Variants in NOX4 observed in about 807,000 individuals in gnomAD.
NOX4 encodes NADPH oxidase 4.
A neutral mutation model predicts 87.6 loss-of-function variants in NOX4; 69 were observed. The observed-to-expected ratio is 0.79, with a 90% CI of 0.65 to 0.96. The LOEUF (loss-of-function observed/expected upper bound fraction) is 0.96, where lower values mean the gene tolerates loss of function less well. Among genes scored for constraint, NOX4 ranks in the 40% least tolerant of loss-of-function variants. NOX4 has a pLI of 0.00. For synonymous variants in NOX4, 275 were observed against 238.2 expected (o/e 1.15, Z -1.42); for missense variants, 680 against 681.5 (o/e 1.00, Z 0.02).
chr11:89,382,001 C>G (rs1940324376), intron 11 of NOX4, among the ~76,000 whole-genome samples: 1 of 152,138 alleles, frequency 6.6e-6, no homozygotes, highest in Non-Finnish European at 1.5e-5. Flanking sequence ...CAGTCACGGA[C>G]TCGGCAAGAC....
chr11:89,398,894 G>A (rs1941657624), intron 11 of NOX4, among the ~76,000 whole-genome samples: 1 of 151,830 alleles, frequency 6.6e-6, no homozygotes, highest in Non-Finnish European at 1.5e-5. Flanking sequence ...ATGGAAAGAT[G>A]TCCATCACAT....
intron 3 of NOX4, among the ~76,000 whole-genome samples, chr11:89,451,243 C>T (rs1013652637): frequency 6.6e-6 from 1 of 152,136 alleles, no homozygotes; most frequent in South Asian, 2.1e-4. Flanking sequence ...AAGCCTATTA[C>T]ACACTTCAAA....
At chr11:89,532,748 G>A in the NOX4 span, among the ~76,000 whole-genome samples, 2 of 152,106 alleles carry the variant, frequency 1.3e-5, no homozygotes, top group African/African-American at 4.8e-5. Flanking sequence ...ATCTCATCTT[G>A]AATAGTAATC....
chr11:89,528,585 C>T, the NOX4 span, among the ~76,000 whole-genome samples: 1 of 152,144 alleles, frequency 6.6e-6, no homozygotes, highest in African/African-American at 2.4e-5. Flanking sequence ...CTTATGAGAT[C>T]TGATGGTTTT....
chr11:89,392,109 C>T (rs1941174454), intron 11 of NOX4, among the ~76,000 whole-genome samples: 1 of 152,130 alleles, frequency 6.6e-6, no homozygotes, highest in East Asian at 1.9e-4. Flanking sequence ...TTTTTCTCCT[C>T]TCTGTCATTT....
At chr11:89,488,223 TTTC>T in intron 2 of NOX4, among the ~76,000 whole-genome samples, 1 of 152,184 alleles carries the variant, frequency 6.6e-6, no homozygotes, top group South Asian at 2.1e-4. Flanking sequence ...CTTGAATCTG[TTTC>T]TTATCCTTTA....
the NOX4 span, among the ~76,000 whole-genome samples, chr11:89,533,363 T>C: frequency 6.6e-6 from 1 of 152,158 alleles, no homozygotes; most frequent in Non-Finnish European, 1.5e-5. Context: ...AAACTAAAGA[T>C]ATAGTTGCTG....
At chr11:89,551,436 A>G in the NOX4 span, among the ~76,000 whole-genome samples, 1 of 152,220 alleles carries the variant, frequency 6.6e-6, no homozygotes, top group African/African-American at 2.4e-5. Flanking sequence ...ATCCATGAGC[A>G]TGAAATGTTT....
chr11:89,518,649 T>C, the NOX4 span, among the ~76,000 whole-genome samples: 56 of 152,052 alleles, frequency 3.7e-4, 1 homozygote, highest in African/African-American at 1.3e-3. Context: ...AGGAAAAATA[T>C]GTGAAAAATC....
At chr11:89,332,092 T>A (rs186537396) in intron 17 of NOX4, among the ~76,000 whole-genome samples, 197 of 151,782 alleles carry the variant, frequency 1.3e-3, no homozygotes, top group Non-Finnish European at 2.1e-3. Context: ...TAGAAACTAG[T>A]TCTATAAATG....
Position 89,342,193 on chromosome 11 carries a change from C to A in NOX4, c.1218G>T (p.Lys406Asn). ...TTCCAAAAGGACCATCAATATACAGCCTGTAGAGCAGTCAGAAAAAGGTGG... is the reference window on the plus strand; with the variant it reads ...TTCCAAAAGGACCATCAATATACAGACTGTAGAGCAGTCAGAAAAAGGTGG... The part of the protein sequence containing the change: ...LPFIQSRNYP[K>N]LYIDGPFGSP... Residue 406 changes from lysine to asparagine, a missense_variant and splice_region_variant, in exon 14 of 18, where the codon AAG (lysine) becomes AAT (asparagine). Coordinates refer to ENST00000263317, the MANE Select transcript of NOX4 (RefSeq NM_016931.5). 8 of 1,600,748 alleles carry A rather than the reference C, an allele frequency of 5.0e-6. No homozygotes were observed. The highest frequency in any genetic ancestry group is 6.8e-6 in the Non-Finnish European group (8 of 1,173,710).
the NOX4 span, among the ~76,000 whole-genome samples, chr11:89,543,209 A>T: frequency 7.2e-3 from 1,089 of 152,296 alleles, 15 homozygotes; most frequent in African/African-American, 0.024. Flanking sequence ...ATATAAAAAA[A>T]TTTTTAAAGA....
the NOX4 span, among the ~76,000 whole-genome samples, chr11:89,570,892 A>G: frequency 1.3e-5 from 2 of 152,238 alleles, no homozygotes; most frequent in African/African-American, 4.8e-5. Context: ...TCAACATGCC[A>G]CACCCTATGG....
At chr11:89,460,744 G>C (rs1349146516) in intron 2 of NOX4, among the ~76,000 whole-genome samples, 1 of 152,202 alleles carries the variant, frequency 6.6e-6, no homozygotes, top group Non-Finnish European at 1.5e-5. Flanking sequence ...GTGGAAGTCA[G>C]TGTGGTGATT....
intron 17 of NOX4, among the ~76,000 whole-genome samples, chr11:89,334,219 A>C (rs1945603754): frequency 6.6e-6 from 1 of 151,710 alleles, no homozygotes; most frequent in African/African-American, 2.4e-5. Context: ...AGCAAGAGAC[A>C]GATGAGTATG....
chr11:89,341,154 G>A (rs1475201407), intron 14 of NOX4, among the ~76,000 whole-genome samples: 17 of 123,826 alleles, frequency 1.4e-4, no homozygotes, highest in African/African-American at 4.6e-4. Flanking sequence ...GCAGAGTCTC[G>A]CTCTGTCACC....
chr11:89,487,215 A>G (rs1449249649), intron 2 of NOX4, among the ~76,000 whole-genome samples: 1 of 152,210 alleles, frequency 6.6e-6, no homozygotes, highest in Non-Finnish European at 1.5e-5. Context: ...CGAGTCATAC[A>G]GCTTCCTCAG....
chr11:89,587,737 A>G, the NOX4 span, among the ~76,000 whole-genome samples: 1 of 152,154 alleles, frequency 6.6e-6, no homozygotes, highest in Non-Finnish European at 1.5e-5. Flanking sequence ...CAAATGTTAT[A>G]TATTTATAAA....
the NOX4 span, among the ~76,000 whole-genome samples, chr11:89,533,353 A>C: frequency 5.9e-5 from 9 of 152,170 alleles, no homozygotes; most frequent in African/African-American, 2.2e-4. Context: ...CCTCTAACAC[A>C]AACTAAAGAT....
Sources: gnomAD v4.1 joint callset for allele counts (sites outside exome capture counted in the v4.1 genomes callset) on GRCh38, gnomAD v4.1.1 for gene constraint, MANE v1.5 for transcripts, NCBI Gene and HGNC (gene_info 2026-07-23, HGNC 2026-07-21) for gene names.